Variants in TRPM3 observed in about 807,000 individuals in gnomAD.
TRPM3 encodes the protein long transient receptor potential channel 3.
TRPM3 carries 77 observed loss-of-function variants against 181.2 expected under a neutral mutation model. The ratio of observed to expected loss-of-function variants is 0.42; its 90% confidence interval spans 0.35 to 0.51. TRPM3 has a LOEUF of 0.51. Ranked by LOEUF, TRPM3 falls within the 20% of genes least tolerant of loss-of-function variation. TRPM3 has a pLI of 0.01. For synonymous variants in TRPM3, 745 were observed against 796.4 expected, an observed-to-expected ratio of 0.94 and a Z score of 1.09; for missense variants, 1,759 against 2,196.7, an observed-to-expected ratio of 0.80 and a Z score of 3.98.
Position 70,536,044 on chromosome 9 carries a change from G to A in TRPM3, c.5069C>T (p.Ser1690Phe), listed in dbSNP as rs776715680. 8.7e-6 allele frequency: 14 copies of A among 1,614,070 alleles called. No homozygotes were observed. Among genetic ancestry groups the A allele is most frequent in the African/African-American group, 1.3e-5 (1 of 74,932 alleles). The change falls in exon 26 of 26, where the codon TCC (serine) becomes TTC (phenylalanine). Residue 1690 changes from serine to phenylalanine, a missense_variant. Physicochemically the swap from Ser to Phe is radical, Grantham distance 155. Transcript: ENST00000677713. ...GTCCCCTCGGCCCTCCGGCTTGGAGGACTTGCTTCTCTGGAAGGGATTTCG... is the reference window on the plus strand; with the variant it reads ...GTCCCCTCGGCCCTCCGGCTTGGAGAACTTGCTTCTCTGGAAGGGATTTCG... The part of the protein sequence containing the change: ...SLRNPFQRSK[S>F]SKPEGRGDSL...
chr9:70,655,313 A>AAAAAAG (rs2060179338), intron 9 of TRPM3, among the ~76,000 whole-genome samples: 1 of 149,916 alleles, frequency 6.7e-6, no homozygotes, highest in African/African-American at 2.4e-5. Flanking sequence ...CTCAAAAAAA[A>AAAAAAG]AAAAAAAAAA....
At chr9:70,794,080 T>C (rs2086367244) in intron 6 of TRPM3, among the ~76,000 whole-genome samples, 1 of 152,072 alleles carries the variant, frequency 6.6e-6, no homozygotes, top group South Asian at 2.1e-4. Flanking sequence ...ATATGAGAAT[T>C]TGGGATAGCA....
At chr9:70,678,303 T>C (rs1206172670) in intron 9 of TRPM3, among the ~76,000 whole-genome samples, 1 of 152,132 alleles carries the variant, frequency 6.6e-6, no homozygotes, top group Non-Finnish European at 1.5e-5. Context: ...AGTCTTGCGC[T>C]GTTGCCTAGG....
intron 1 of TRPM3, among the ~76,000 whole-genome samples, chr9:71,099,566 T>A (rs1013750504): frequency 6.6e-6 from 1 of 152,184 alleles, no homozygotes; most frequent in Non-Finnish European, 1.5e-5. Context: ...GAGACTTTTT[T>A]AATGATTCAA....
intron 1 of TRPM3, among the ~76,000 whole-genome samples, chr9:71,168,551 TATTTATTTATTTATTTA>T: frequency 1.2e-5 from 1 of 85,920 alleles, no homozygotes; most frequent in Non-Finnish European, 2.4e-5. Context: ...TTTATTTATT[TATTTATTTATTTATTTA>T]TTTATTTTTG....
chr9:70,582,879 T>G (rs1021269940), intron 22 of TRPM3, among the ~76,000 whole-genome samples: 7 of 152,232 alleles, frequency 4.6e-5, no homozygotes, highest in Non-Finnish European at 8.8e-5. Context: ...TTACAATTAC[T>G]TCATATATAA....
intron 22 of TRPM3, among the ~76,000 whole-genome samples, chr9:70,584,701 C>A (rs2056740340): frequency 6.6e-6 from 1 of 152,218 alleles, no homozygotes; most frequent in Non-Finnish European, 1.5e-5. Context: ...AGGCTAGAAA[C>A]CTAGTCCTTT....
At chr9:70,784,083 T>C (rs768636402) in intron 7 of TRPM3, 22 bp downstream of exon 7, 92 of 1,607,950 alleles carry the variant, frequency 5.7e-5, no homozygotes, top group Non-Finnish European at 7.7e-5. Flanking sequence ...GGTTCTTCCA[T>C]GGGGCCTGGA....
chr9:70,638,502 G>A (rs907204636), intron 11 of TRPM3, among the ~76,000 whole-genome samples: 16 of 152,182 alleles, frequency 1.1e-4, no homozygotes, highest in African/African-American at 3.9e-4. Context: ...TTTTACCTAT[G>A]ATTACTCCTT....
At chr9:71,283,588 C>T (rs935724724) in intron 1 of TRPM3, among the ~76,000 whole-genome samples, 1 of 152,334 alleles carries the variant, frequency 6.6e-6, no homozygotes, top group East Asian at 1.9e-4. Flanking sequence ...CTGGCATGAG[C>T]CACCATGTCC....
At chr9:70,923,007 C>T (rs991134186) in intron 1 of TRPM3, among the ~76,000 whole-genome samples, 18 of 152,030 alleles carry the variant, frequency 1.2e-4, no homozygotes, top group Admixed American at 1.1e-3. Flanking sequence ...TAATGGCCAC[C>T]AAGAGAAAAA....
intron 1 of TRPM3, among the ~76,000 whole-genome samples, chr9:71,202,944 A>C (rs2078896493): frequency 1.3e-5 from 2 of 152,214 alleles, no homozygotes; most frequent in African/African-American, 4.8e-5. Flanking sequence ...AATACTGAAT[A>C]ATGACTTTCT....
At chr9:70,635,119 T>A in intron 12 of TRPM3, 92 bp downstream of exon 12, 1 of 1,082,628 alleles carries the variant, frequency 9.2e-7, no homozygotes, top group Admixed American at 1.8e-5. Context: ...GGGACAGGAA[T>A]ACTCTGGCAG....
At chr9:70,914,577 G>A (rs1017203313) in intron 1 of TRPM3, among the ~76,000 whole-genome samples, 8 of 152,200 alleles carry the variant, frequency 5.3e-5, no homozygotes, top group African/African-American at 1.9e-4. Flanking sequence ...TAATGACAAT[G>A]CAGAGTCCAG....
Position 70,611,933 on chromosome 9 carries a change from C to T in TRPM3, c.2527-1184G>A, listed in dbSNP as rs368771088. ...AAAGAGTTCCAGGCCCTGGGTCACT[C>T]AGACGGGAGACTGAATCCTAACTCA... On this transcript the variant is annotated intron_variant, in intron 18 of 25. Coordinates refer to ENST00000677713, the MANE Select transcript of TRPM3 (RefSeq NM_001366145.2). Among the ~76,000 whole-genome samples the T allele has an allele frequency of 1.6e-3, 240 of 152,324 alleles. 1 individual carries two copies. Among genetic ancestry groups the T allele is most frequent in the African/African-American group, 5.4e-3 (226 of 41,572 alleles).
chr9:71,167,914 A>T (rs1333820976), intron 1 of TRPM3, among the ~76,000 whole-genome samples: 1 of 152,180 alleles, frequency 6.6e-6, no homozygotes, highest in East Asian at 1.9e-4. Flanking sequence ...TTTTTGTTTT[A>T]TAATGCCAAT....
At chr9:70,924,140 A>G (rs897307791) in intron 1 of TRPM3, among the ~76,000 whole-genome samples, 3 of 152,030 alleles carry the variant, frequency 2.0e-5, no homozygotes, top group Non-Finnish European at 4.4e-5. Flanking sequence ...GGTGCTGCTG[A>G]CATTTGGCTA....
At chr9:71,083,844 C>A (rs2064823423) in intron 1 of TRPM3, among the ~76,000 whole-genome samples, 2 of 151,440 alleles carry the variant, frequency 1.3e-5, no homozygotes, top group African/African-American at 4.9e-5. Flanking sequence ...TATATATATG[C>A]AGTGTGTATA....
chr9:70,827,773 C>T, intron 6 of TRPM3, 74 bp downstream of exon 6: 1 of 1,516,538 alleles, frequency 6.6e-7, no homozygotes, highest in Non-Finnish European at 9.0e-7. Context: ...TACATTGCTG[C>T]ATGGTGTACT....
Sources: allele counts gnomAD v4.1 joint callset (sites outside exome capture counted in the v4.1 genomes callset), GRCh38; gene constraint gnomAD v4.1.1; transcripts MANE v1.5; gene names NCBI Gene and HGNC (gene_info 2026-07-23, HGNC 2026-07-21).